Variants in BNC2 observed in about 807,000 individuals in gnomAD.
The protein encoded by BNC2 is zinc finger protein basonuclin-2.
BNC2 carries 20 observed loss-of-function variants against 76.3 expected under a neutral mutation model. The ratio of observed to expected loss-of-function variants is 0.26; its 90% confidence interval spans 0.18 to 0.38. The LOEUF is 0.38. Ranked by LOEUF, BNC2 falls within the 10% of genes least tolerant of loss-of-function variation. The pLI is 1.00. For synonymous variants in BNC2, 582 were observed against 514.8 expected, an observed-to-expected ratio of 1.13 and a Z score of -1.77; for missense variants, 1,382 against 1,399.8, an observed-to-expected ratio of 0.99 and a Z score of 0.20.
rs1294685137 is a variant in BNC2, at chr9:16,780,114, T to C, written c.4-41629A>G. On this transcript the variant is annotated intron_variant, in intron 1 of 6. Transcript: ENST00000380672. ...AGCCGGGCGCGGTGGCGGGTGCCTG[T>C]AGTCCCAGCTACTAGGGAGGCTGAG... is the stretch of plus-strand genomic sequence containing the variant. Among the ~76,000 whole-genome samples, 3 of 150,692 alleles carry C rather than the reference T, an allele frequency of 2.0e-5. No individual in the cohort carries two copies. The South Asian group carries it at 6.3e-4, about 31-fold the overall frequency.
intron 3 of BNC2, among the ~76,000 whole-genome samples, chr9:16,668,989 C>T (rs756209129): frequency 1.3e-5 from 2 of 152,120 alleles, no homozygotes; most frequent in Non-Finnish European, 2.9e-5. Context: ...TCTGTCTCTA[C>T]AGACCCCACC....
intron 3 of BNC2, among the ~76,000 whole-genome samples, chr9:16,700,093 T>A (rs1823464522): frequency 6.6e-6 from 1 of 152,232 alleles, no homozygotes. Flanking sequence ...TATGCTATAA[T>A]GTGATATACA....
intron 3 of BNC2, among the ~76,000 whole-genome samples, chr9:16,662,764 C>G (rs1046892475): frequency 6.6e-5 from 10 of 152,012 alleles, no homozygotes; most frequent in African/African-American, 1.9e-4. Flanking sequence ...AGAAAATATC[C>G]TACCTAAAAC....
intron 4 of BNC2, among the ~76,000 whole-genome samples, chr9:16,581,930 G>T (rs1337468506): frequency 6.6e-6 from 1 of 152,052 alleles, no homozygotes; most frequent in Admixed American, 6.6e-5. Context: ...CTCTCTCACA[G>T]AAACATGGCT....
chr9:16,845,790 G>T (rs896652585), intron 1 of BNC2, among the ~76,000 whole-genome samples: 4 of 152,034 alleles, frequency 2.6e-5, no homozygotes, highest in African/African-American at 9.7e-5. Flanking sequence ...AACACAAAAT[G>T]TTCAAGTTCA....
intron 1 of BNC2, among the ~76,000 whole-genome samples, chr9:16,780,006 G>A (rs1357759612): frequency 2.0e-5 from 3 of 152,044 alleles, no homozygotes; most frequent in Non-Finnish European, 4.4e-5. Context: ...GGAGGCCGAG[G>A]CGGGCGGATC....
Position 16,482,828 on chromosome 9 carries a change from C to T in BNC2, c.670-45304G>A, listed in dbSNP as rs182139450. Reference sequence around the variant, plus strand: ...AGACTGGGGTCTCAGAGAACAGCCACGGAGTCACTGAACCCCTCAGATGGC... The same window carrying T: ...AGACTGGGGTCTCAGAGAACAGCCATGGAGTCACTGAACCCCTCAGATGGC... On this transcript the variant is annotated intron_variant, in intron 5 of 6. Transcript: ENST00000380672. Among the ~76,000 whole-genome samples, 91 of 152,284 alleles carry T rather than the reference C, an allele frequency of 6.0e-4. 1 individual carries two copies. The highest frequency in any genetic ancestry group is 1.7e-3 in the African/African-American group (69 of 41,554).
intron 5 of BNC2, among the ~76,000 whole-genome samples, chr9:16,495,847 A>G (rs964447039): frequency 6.6e-6 from 1 of 151,838 alleles, no homozygotes; most frequent in Non-Finnish European, 1.5e-5. Context: ...GGAGTGTTAC[A>G]CTACCCTGGA....
intron 3 of BNC2, among the ~76,000 whole-genome samples, chr9:16,650,476 C>T (rs1821762496): frequency 6.6e-6 from 1 of 152,054 alleles, no homozygotes; most frequent in African/African-American, 2.4e-5. Context: ...AGGTAATTCC[C>T]GTCTGACATA....
chr9:16,832,188 A>C, intron 1 of BNC2: 1 of 894,046 alleles, frequency 1.1e-6, no homozygotes, highest in Non-Finnish European at 1.5e-6. Flanking sequence ...CCCTTATTAA[A>C]ACTACAAGGT....
At chr9:16,647,777 A>C (rs1477860504) in intron 3 of BNC2, among the ~76,000 whole-genome samples, 6 of 152,196 alleles carry the variant, frequency 3.9e-5, no homozygotes, top group Non-Finnish European at 7.3e-5. Context: ...AATAAATATT[A>C]AATATGATCC....
chr9:16,780,160 T>C (rs1342913819), intron 1 of BNC2, among the ~76,000 whole-genome samples: 58 of 121,232 alleles, frequency 4.8e-4, no homozygotes, highest in Admixed American at 2.4e-3. Flanking sequence ...GGCGCGAACC[T>C]GGGAGGCGGA....
chr9:16,615,444 C>A (rs553334442), intron 3 of BNC2, among the ~76,000 whole-genome samples: 5 of 152,046 alleles, frequency 3.3e-5, no homozygotes, highest in African/African-American at 9.7e-5. Context: ...GCCATAAGAT[C>A]GTCATGTGAG....
intron 3 of BNC2, among the ~76,000 whole-genome samples, chr9:16,682,997 G>A (rs1822869477): frequency 6.6e-6 from 1 of 152,152 alleles, no homozygotes; most frequent in African/African-American, 2.4e-5. Flanking sequence ...CTCCCAAACT[G>A]GAGTACCCAC....
intron 3 of BNC2, among the ~76,000 whole-genome samples, chr9:16,717,859 G>T (rs994596908): frequency 6.6e-6 from 1 of 152,282 alleles, no homozygotes; most frequent in Non-Finnish European, 1.5e-5. Flanking sequence ...GCACATACAG[G>T]AACAGTGATT....
intron 1 of BNC2, among the ~76,000 whole-genome samples, chr9:16,774,399 C>T (rs903871101): frequency 3.3e-5 from 5 of 152,214 alleles, no homozygotes; most frequent in Non-Finnish European, 2.9e-5. Context: ...ATGACAGTTT[C>T]GATTCCATTT....
chr9:16,515,009 C>G (rs557503197), intron 5 of BNC2, among the ~76,000 whole-genome samples: 1 of 152,042 alleles, frequency 6.6e-6, no homozygotes, highest in Non-Finnish European at 1.5e-5. Context: ...TTACACTGAC[C>G]CAGAAGGGAA....
At chr9:16,539,011 GTGTC>G (rs1386539072) in intron 5 of BNC2, among the ~76,000 whole-genome samples, 3 of 151,756 alleles carry the variant, frequency 2.0e-5, no homozygotes, top group African/African-American at 7.3e-5. Flanking sequence ...GAGGGGCATG[GTGTC>G]TGTCTGTTTA....
rs866245509 is a variant in BNC2, at chr9:16,763,426, C to T, written c.4-24941G>A. ...CTCTACAAAAAATCAAAAACTTAGC[C>T]GGCCATAGTGACATGCACCTGTGGT... On this transcript the variant is annotated intron_variant, in intron 1 of 6. Coordinates refer to ENST00000380672, the MANE Select transcript of BNC2 (RefSeq NM_017637.6). Among the ~76,000 whole-genome samples, 4 of 151,980 alleles carry T rather than the reference C, an allele frequency of 2.6e-5. No homozygotes were observed. The East Asian group carries it at 5.8e-4, about 22-fold the overall frequency.
Sources: allele counts gnomAD v4.1 joint callset (sites outside exome capture counted in the v4.1 genomes callset), GRCh38; gene constraint gnomAD v4.1.1; transcripts MANE v1.5; gene names NCBI Gene and HGNC (gene_info 2026-07-23, HGNC 2026-07-21).